The following KAZN variants were observed in gnomAD, a reference collection of about 807,000 sequenced individuals.
The protein encoded by KAZN is kazrin.
KAZN carries 40 observed loss-of-function variants against 87.4 expected under a neutral mutation model. The observed-to-expected ratio is 0.46, with a 90% CI of 0.36 to 0.60. The LOEUF (loss-of-function observed/expected upper bound fraction) is 0.60. Among genes scored for constraint, KAZN ranks in the 20% least tolerant of loss-of-function variants. The pLI is 0.00. For missense variants in KAZN, 898 were observed against 1,073.9 expected, an observed-to-expected ratio of 0.84 and a Z score of 2.29; for synonymous variants, 466 against 458.3, an observed-to-expected ratio of 1.02 and a Z score of -0.22.
Position 14,635,149 on chromosome 1 carries a change from G to A in KAZN, c.226+35926G>A, listed in dbSNP as rs556980263. 1.8e-4 allele frequency among the ~76,000 whole-genome samples: 27 copies of A among 152,354 alleles called. 1 individual carries two copies. Among genetic ancestry groups the A allele is most frequent in the African/African-American group, 6.3e-4 (26 of 41,580 alleles). Reference sequence around the variant, plus strand: ...TAAGTATTCAGTGAACGTGAGCTTTGCGTTGCTGTTAATTCAATGAGGTGG... The same window carrying A: ...TAAGTATTCAGTGAACGTGAGCTTTACGTTGCTGTTAATTCAATGAGGTGG... On this transcript the variant is annotated intron_variant, in intron 1 of 14. Transcript: ENST00000376030.
chr1:15,007,546 G>A (rs1669147130), intron 2 of KAZN, among the ~76,000 whole-genome samples: 1 of 152,222 alleles, frequency 6.6e-6, no homozygotes, highest in African/African-American at 2.4e-5. Context: ...GGGAGCAGGA[G>A]GAGGTCCCAG....
At chr1:14,319,735 T>A (rs1655921375) in intron 2 of KAZN, among the ~76,000 whole-genome samples, 1 of 152,154 alleles carries the variant, frequency 6.6e-6, no homozygotes. Context: ...GGATCACAGA[T>A]CTGATCTGTC....
intron 1 of KAZN, among the ~76,000 whole-genome samples, chr1:14,082,750 AG>A (rs1476685411): frequency 6.6e-6 from 1 of 152,120 alleles, no homozygotes; most frequent in Non-Finnish European, 1.5e-5. Flanking sequence ...CTGGATCAGG[AG>A]CCTTTCTTTG....
chr1:14,633,204 A>G (rs1679706831), intron 1 of KAZN, among the ~76,000 whole-genome samples: 1 of 152,162 alleles, frequency 6.6e-6, no homozygotes, highest in East Asian at 1.9e-4. Flanking sequence ...GGTGTGAGCC[A>G]CCGCACCCGG....
chr1:14,060,918 TGCAGTGGTGGATAGTGC>T (rs1200328823), intron 1 of KAZN, among the ~76,000 whole-genome samples: 2 of 152,212 alleles, frequency 1.3e-5, no homozygotes, highest in Non-Finnish European at 2.9e-5. Flanking sequence ...TCCTGCTGCC[TGCAGTGGTGGATAGTGC>T]CCTGGATTTG....
chr1:14,246,351 TTTG>T (rs751506827), intron 2 of KAZN, among the ~76,000 whole-genome samples: 22 of 152,340 alleles, frequency 1.4e-4, no homozygotes, highest in Non-Finnish European at 2.6e-4. Context: ...TATAGTATTT[TTTG>T]TTGTTATTTA....
chr1:13,959,173 G>A (rs374204431), intron 1 of KAZN, among the ~76,000 whole-genome samples: 1 of 152,318 alleles, frequency 6.6e-6, no homozygotes, highest in African/African-American at 2.4e-5. Flanking sequence ...AGACCCCAGA[G>A]AGCTAGCTAG....
At chr1:14,690,471 T>C (rs1052735381) in intron 1 of KAZN, among the ~76,000 whole-genome samples, 2 of 152,172 alleles carry the variant, frequency 1.3e-5, no homozygotes, top group African/African-American at 4.8e-5. Context: ...ATAATGACAG[T>C]CCTCCTCCTT....
chr1:14,770,596 C>T (rs1644994567), intron 1 of KAZN, among the ~76,000 whole-genome samples: 2 of 152,198 alleles, frequency 1.3e-5, no homozygotes, highest in Non-Finnish European at 2.9e-5. Flanking sequence ...CCATACACCA[C>T]GGCAGCCCTG....
chr1:14,693,092 C>T (rs1641410663), intron 1 of KAZN, among the ~76,000 whole-genome samples: 1 of 152,162 alleles, frequency 6.6e-6, no homozygotes, highest in Admixed American at 6.5e-5. Context: ...ACTTTGGTGT[C>T]CAAAAGCTCC....
At chr1:15,111,342 C>G (rs1176928139) in intron 13 of KAZN, among the ~76,000 whole-genome samples, 2 of 152,076 alleles carry the variant, frequency 1.3e-5, no homozygotes, top group East Asian at 3.9e-4. Context: ...GATCTCGGCT[C>G]ACTGCAACCT....
intron 1 of KAZN, among the ~76,000 whole-genome samples, chr1:13,896,707 C>G (rs528708586): frequency 6.6e-6 from 1 of 152,212 alleles, no homozygotes. Context: ...GATGCTCAGG[C>G]CTTTGCCTTT....
chr1:14,911,941 C>G lies in KAZN; in HGVS notation c.227-48743C>G, dbSNP rs569322000. Among the ~76,000 whole-genome samples the G allele has an allele frequency of 1.5e-3, 235 of 152,162 alleles. 2 individuals carry two copies. The highest frequency in any genetic ancestry group is 5.5e-3 in the African/African-American group (229 of 41,512). ...CCGAGGCAGGTAGATCACCTGAGGT[C>G]AGGAGTTTGAGACCAGCCTGTCCAA... On this transcript the variant is annotated intron_variant, in intron 1 of 14. Coordinates refer to ENST00000376030, the MANE Select transcript of KAZN (RefSeq NM_201628.3).
At chr1:14,137,519 C>T (rs1335171442) in intron 1 of KAZN, among the ~76,000 whole-genome samples, 1 of 152,078 alleles carries the variant, frequency 6.6e-6, no homozygotes, top group African/African-American at 2.4e-5. Context: ...ATTGATACCA[C>T]CTCTCAGCTG....
At chr1:14,405,605 AAT>A (rs1491574203) in intron 2 of KAZN, among the ~76,000 whole-genome samples, 3 of 86,226 alleles carry the variant, frequency 3.5e-5, no homozygotes, top group African/African-American at 1.3e-4. Context: ...GACCCAATAA[AAT>A]GTGTGTGTGT....
chr1:14,702,040 C>T lies in KAZN; in HGVS notation c.226+102817C>T, dbSNP rs112414893. On this transcript the variant is annotated intron_variant, in intron 1 of 14. Coordinates refer to ENST00000376030, the MANE Select transcript of KAZN (RefSeq NM_201628.3). Reference sequence around the variant, plus strand: ...TTGTTGACGTGCTAAAGCACATCTTCGCCTCTGGTCCTTTCTCATATGAGT... The same window carrying T: ...TTGTTGACGTGCTAAAGCACATCTTTGCCTCTGGTCCTTTCTCATATGAGT... 7.7e-3 allele frequency among the ~76,000 whole-genome samples: 1,167 copies of T among 152,306 alleles called. 17 individuals carry two copies. Among genetic ancestry groups the T allele is most frequent in the African/African-American group, 0.026 (1,082 of 41,572 alleles).
chr1:14,528,535 G>A (rs191333218), intron 2 of KAZN, among the ~76,000 whole-genome samples: 173 of 151,806 alleles, frequency 1.1e-3, no homozygotes, highest in Admixed American at 2.4e-3. Context: ...TGTAACCCCA[G>A]CACTTTGGGA....
At chr1:14,707,122 C>T (rs1642252911) in intron 1 of KAZN, among the ~76,000 whole-genome samples, 1 of 152,094 alleles carries the variant, frequency 6.6e-6, no homozygotes, top group African/African-American at 2.4e-5. Context: ...CTGGGTGTCA[C>T]CAGGTTAGGA....
intron 1 of KAZN, among the ~76,000 whole-genome samples, chr1:14,934,331 C>T (rs111605947): frequency 7.3e-4 from 111 of 151,550 alleles, no homozygotes; most frequent in Non-Finnish European, 1.4e-3. Context: ...TTCAGCCTCC[C>T]GAGTAGCTGG....
Sources: gnomAD v4.1 joint callset for allele counts (sites outside exome capture counted in the v4.1 genomes callset) on GRCh38, gnomAD v4.1.1 for gene constraint, MANE v1.5 for transcripts, NCBI Gene and HGNC (gene_info 2026-07-23, HGNC 2026-07-21) for gene names.